Variants in INPP4B observed in about 807,000 individuals in gnomAD.
The protein encoded by INPP4B is inositol polyphosphate 4-phosphatase type II.
A neutral mutation model predicts 122.5 loss-of-function variants in INPP4B; 55 were observed. The ratio of observed to expected loss-of-function variants is 0.45; its 90% CI spans 0.36 to 0.56. The LOEUF is 0.56. INPP4B is among the 20% of genes least tolerant of loss of function. The probability of loss-of-function intolerance (pLI) is 0.00; values close to 1 mark genes in which losing one functional copy is unlikely to be tolerated. For synonymous variants in INPP4B, 403 were observed against 388.7 expected, an observed-to-expected ratio of 1.04 and a Z score of -0.43; for missense variants, 1,000 against 1,097.7, an observed-to-expected ratio of 0.91 and a Z score of 1.26.
At chr4:142,645,982 C>T (rs1395871577) in intron 2 of INPP4B, among the ~76,000 whole-genome samples, 1 of 151,994 alleles carries the variant, frequency 6.6e-6, no homozygotes, top group Admixed American at 6.6e-5. Context: ...AGAAAGAGAC[C>T]CAAATATGCA....
intron 2 of INPP4B, among the ~76,000 whole-genome samples, chr4:142,693,036 A>G (rs1392187008): frequency 6.6e-6 from 1 of 152,012 alleles, no homozygotes; most frequent in African/African-American, 2.4e-5. Flanking sequence ...AATTAACAGA[A>G]AAAGGTGCCA....
chr4:142,210,075 T>C (rs1844271143), intron 12 of INPP4B, among the ~76,000 whole-genome samples: 1 of 152,184 alleles, frequency 6.6e-6, no homozygotes, highest in African/African-American at 2.4e-5. Context: ...TGGTTAGATC[T>C]CTTATTCATT....
At chr4:142,627,789 C>G (rs1413343565) in intron 2 of INPP4B, among the ~76,000 whole-genome samples, 1 of 152,154 alleles carries the variant, frequency 6.6e-6, no homozygotes, top group East Asian at 1.9e-4. Flanking sequence ...GGAGGATTCC[C>G]TCTTTTTCTA....
At chr4:142,279,666 T>G (rs1750262656) in intron 9 of INPP4B, among the ~76,000 whole-genome samples, 1 of 151,794 alleles carries the variant, frequency 6.6e-6, no homozygotes, top group Admixed American at 6.6e-5. Context: ...AGGAAAAAAT[T>G]TCTGTGAACT....
intron 1 of INPP4B, among the ~76,000 whole-genome samples, chr4:142,845,427 C>T (rs1299549331): frequency 6.6e-6 from 1 of 152,144 alleles, no homozygotes; most frequent in African/African-American, 2.4e-5. Flanking sequence ...GCTTGAGGAG[C>T]CTGCAGCATA....
At chr4:142,430,801 TA>T (rs994893431) in intron 4 of INPP4B, among the ~76,000 whole-genome samples, 1 of 152,050 alleles carries the variant, frequency 6.6e-6, no homozygotes. Flanking sequence ...TTCTACAGTA[TA>T]AAAAAATTCC....
intron 2 of INPP4B, among the ~76,000 whole-genome samples, chr4:142,681,594 A>C (rs1758625428): frequency 6.6e-6 from 1 of 151,842 alleles, no homozygotes. Flanking sequence ...ATAGAAGAGG[A>C]AGGGAGAGTG....
chr4:142,089,740 A>G (rs187427033), intron 23 of INPP4B, among the ~76,000 whole-genome samples: 193 of 152,318 alleles, frequency 1.3e-3, no homozygotes, highest in Admixed American at 3.6e-3. Context: ...TAGTGTATAC[A>G]TTGCACTCGA....
intron 2 of INPP4B, among the ~76,000 whole-genome samples, chr4:142,534,945 T>C (rs554308675): frequency 2.1e-4 from 32 of 152,284 alleles, no homozygotes; most frequent in African/African-American, 7.7e-4. Flanking sequence ...CTGAAAATAA[T>C]ACAATTTGTT....
intron 11 of INPP4B, among the ~76,000 whole-genome samples, chr4:142,245,898 ATGTG>A (rs1373926463): frequency 4.1e-5 from 1 of 24,260 alleles, no homozygotes; most frequent in African/African-American, 1.1e-4. Context: ...GTATACATAT[ATGTG>A]TATGTATACA....
At chr4:142,542,704 T>C (rs1829083362) in intron 2 of INPP4B, among the ~76,000 whole-genome samples, 1 of 152,204 alleles carries the variant, frequency 6.6e-6, no homozygotes, top group South Asian at 2.1e-4. Flanking sequence ...TTTTTTTCAA[T>C]AACCAATTTC....
intron 25 of INPP4B, among the ~76,000 whole-genome samples, chr4:142,058,526 A>G (rs1758894642): frequency 6.6e-6 from 1 of 152,144 alleles, no homozygotes. Context: ...GTAGTACAAG[A>G]GACCACACGC....
intron 1 of INPP4B, among the ~76,000 whole-genome samples, chr4:142,804,373 C>T (rs1778409898): frequency 6.6e-6 from 1 of 152,156 alleles, no homozygotes; most frequent in African/African-American, 2.4e-5. Context: ...GTGCACTCTG[C>T]TGCTTCTCAA....
At chr4:142,627,086 C>T (rs947846272) in intron 2 of INPP4B, among the ~76,000 whole-genome samples, 3 of 152,000 alleles carry the variant, frequency 2.0e-5, no homozygotes, top group African/African-American at 7.2e-5. Context: ...TATAAAGTGA[C>T]CTAAAATGAC....
At chr4:142,793,959 A>AATGTATAG (rs1458587903) in intron 1 of INPP4B, among the ~76,000 whole-genome samples, 1 of 152,116 alleles carries the variant, frequency 6.6e-6, no homozygotes, top group Admixed American at 6.6e-5. Flanking sequence ...AAAATTATAT[A>AATGTATAG]ATGTATAGAT....
At chr4:142,097,066 GA>G (rs557039254) in intron 23 of INPP4B, among the ~76,000 whole-genome samples, 2 of 151,352 alleles carry the variant, frequency 1.3e-5, no homozygotes, top group African/African-American at 2.4e-5. Flanking sequence ...TTCCCATAAT[GA>G]AAAAAAAGCT....
At chr4:142,598,689 G>A (rs938504534) in intron 2 of INPP4B, among the ~76,000 whole-genome samples, 1 of 152,194 alleles carries the variant, frequency 6.6e-6, no homozygotes, top group African/African-American at 2.4e-5. Flanking sequence ...GCTCCCTTTG[G>A]GGCTGAGACA....
intron 23 of INPP4B, among the ~76,000 whole-genome samples, chr4:142,107,246 C>A (rs1366527732): frequency 2.0e-5 from 3 of 152,044 alleles, no homozygotes; most frequent in African/African-American, 7.2e-5. Context: ...AAACACTCTG[C>A]CACCTGAGCT....
intron 9 of INPP4B, among the ~76,000 whole-genome samples, chr4:142,280,108 A>T (rs1241009401): frequency 6.6e-6 from 1 of 151,852 alleles, no homozygotes; most frequent in Non-Finnish European, 1.5e-5. Context: ...TGAAACTCTC[A>T]TACATCTCTG....
Sources: gnomAD v4.1 joint callset for allele counts (sites outside exome capture counted in the v4.1 genomes callset) on GRCh38, gnomAD v4.1.1 for gene constraint, MANE v1.5 for transcripts, NCBI Gene and HGNC (gene_info 2026-07-23, HGNC 2026-07-21) for gene names.